KCNT2: variants seen among roughly 807,000 people sequenced by gnomAD.
KCNT2 encodes the protein potassium sodium-activated channel subfamily T member 2, also known as potassium channel subfamily T member 2.
KCNT2 carries 67 observed loss-of-function variants against 153.8 expected under a neutral mutation model. That is an observed-to-expected ratio of 0.44 (90% CI 0.36 to 0.53). The LOEUF is 0.53. KCNT2 is among the 20% of genes least tolerant of loss of function. The pLI, the probability that KCNT2 is intolerant of heterozygous loss-of-function variation, is 0.00. For missense variants in KCNT2, 975 were observed against 1,354.8 expected, an observed-to-expected ratio of 0.72 and a Z score of 4.40; for synonymous variants, 500 against 458.8, an observed-to-expected ratio of 1.09 and a Z score of -1.15.
At chr1:196,357,162 T>C (rs1667242939) in intron 14 of KCNT2, among the ~76,000 whole-genome samples, 1 of 151,966 alleles carries the variant, frequency 6.6e-6, no homozygotes, top group African/African-American at 2.4e-5. Flanking sequence ...TTATTAGCTA[T>C]AAGTCTATGA....
intron 1 of KCNT2, among the ~76,000 whole-genome samples, chr1:196,581,075 T>C (rs965120430): frequency 3.9e-5 from 6 of 152,222 alleles, no homozygotes; most frequent in Admixed American, 1.3e-4. Flanking sequence ...TTACAAAACG[T>C]ACAGTTTTTT....
chr1:196,297,810 G>A (rs894233975), intron 22 of KCNT2, among the ~76,000 whole-genome samples: 1 of 152,064 alleles, frequency 6.6e-6, no homozygotes, highest in African/African-American at 2.4e-5. Flanking sequence ...AAGTTGTCTG[G>A]ACAGAAAAAA....
At chr1:196,343,821 C>T (rs1195859894) in intron 14 of KCNT2, among the ~76,000 whole-genome samples, 1 of 151,890 alleles carries the variant, frequency 6.6e-6, no homozygotes, top group Admixed American at 6.6e-5. Context: ...GCTTTGTCGC[C>T]CAGGCTGGAC....
intron 1 of KCNT2, among the ~76,000 whole-genome samples, chr1:196,584,339 A>T (rs1326979245): frequency 1.3e-5 from 2 of 152,086 alleles, no homozygotes; most frequent in South Asian, 2.1e-4. Flanking sequence ...ATAATTTGTA[A>T]GAAGAGGGGT....
intron 1 of KCNT2, among the ~76,000 whole-genome samples, chr1:196,576,092 G>A (rs112764623): frequency 7.6e-6 from 1 of 132,366 alleles, no homozygotes; most frequent in African/African-American, 3.9e-5. Context: ...ATATATATAT[G>A]TGTGTGTGTG....
chr1:196,366,104 C>T (rs1036087156), intron 14 of KCNT2, among the ~76,000 whole-genome samples: 1 of 151,886 alleles, frequency 6.6e-6, no homozygotes, highest in African/African-American at 2.4e-5. Flanking sequence ...CTACCTTTCT[C>T]TTCCTTCACT....
At chr1:196,549,561 A>G (rs1452158448) in intron 1 of KCNT2, among the ~76,000 whole-genome samples, 3 of 151,816 alleles carry the variant, frequency 2.0e-5, no homozygotes, top group African/African-American at 4.8e-5. Context: ...AAATTCTAGT[A>G]ATATACAGAC....
rs1302327018 is a variant in KCNT2 at position 196,334,496 on chromosome 1, T to TTTTTTTTTTTTTTTTTTTA, written c.1784-437_1784-436insTAAAAAAAAAAAAAAAAAA. Among the ~76,000 whole-genome samples, 34 of 142,922 alleles carry TTTTTTTTTTTTTTTTTTTA rather than the reference T, an allele frequency of 2.4e-4. 1 individual carries two copies. Among genetic ancestry groups the TTTTTTTTTTTTTTTTTTTA allele is most frequent in the African/African-American group, 7.3e-4 (28 of 38,564 alleles). The allele number at this position is 142,922 out of a possible 152,430, so 93.8% of individuals were successfully genotyped here. A position where few individuals can be genotyped will look rare whatever the true frequency, so the allele number is the denominator to read the frequency against. On this transcript the variant is annotated intron_variant, in intron 16 of 27. Coordinates refer to ENST00000294725, the MANE Select transcript of KCNT2 (RefSeq NM_198503.5). ...ATTTCTTTCTTTCTTTCTTTTTTTT[T>TTTTTTTTTTTTTTTTTTTA]TTTAAGACAGAGTCTCGCTCCAGGC...
At chr1:196,306,024 G>A (rs905079913) in intron 21 of KCNT2, among the ~76,000 whole-genome samples, 6 of 151,928 alleles carry the variant, frequency 3.9e-5, no homozygotes, top group African/African-American at 1.4e-4. Flanking sequence ...GCTCACACAA[G>A]ATTTCTTTCC....
At chr1:196,296,960 C>G (rs1185768242) in intron 22 of KCNT2, among the ~76,000 whole-genome samples, 1 of 151,950 alleles carries the variant, frequency 6.6e-6, no homozygotes, top group Non-Finnish European at 1.5e-5. Flanking sequence ...GTTTCATGTC[C>G]TTGTCTAATG....
intron 19 of KCNT2, among the ~76,000 whole-genome samples, chr1:196,321,042 A>G (rs1663264632): frequency 6.7e-6 from 1 of 150,358 alleles, no homozygotes; most frequent in African/African-American, 2.5e-5. Flanking sequence ...AAGGGATATT[A>G]GTGGATCACA....
intron 19 of KCNT2, 34 bp from the exon 20 acceptor site, chr1:196,319,589 A>G (rs778687118): frequency 2.1e-6 from 3 of 1,399,392 alleles, no homozygotes; most frequent in Non-Finnish European, 3.0e-6. Flanking sequence ...ATGAAACACA[A>G]TGTCACAACA....
chr1:196,284,248 A>AAAAAAAAAATATATATATAT, intron 23 of KCNT2, among the ~76,000 whole-genome samples: 1 of 10,048 alleles, frequency 1.0e-4, no homozygotes, highest in African/African-American at 1.4e-4. Flanking sequence ...AAAAAAAAAA[A>AAAAAAAAAATATATATATAT]ATATATATAT....
intron 5 of KCNT2, 47 bp downstream of exon 5, chr1:196,479,132 T>C (rs962074703): frequency 8.5e-7 from 1 of 1,180,312 alleles, no homozygotes; most frequent in Non-Finnish European, 1.3e-6. Context: ...GAGTAAATAC[T>C]ACAGATGTGT....
chr1:196,399,690 T>C (rs1671248900), intron 12 of KCNT2, among the ~76,000 whole-genome samples: 3 of 151,766 alleles, frequency 2.0e-5, no homozygotes, highest in Admixed American at 6.6e-5. Context: ...AGAATGATCA[T>C]GTCCTCCCCA....
chr1:196,539,414 T>C (rs1240702388), intron 1 of KCNT2, among the ~76,000 whole-genome samples: 2 of 152,166 alleles, frequency 1.3e-5, no homozygotes, highest in Non-Finnish European at 2.9e-5. Flanking sequence ...GATGTTTGAG[T>C]ATAGATTCCC....
intron 26 of KCNT2, chr1:196,257,381 A>G: frequency 1.0e-6 from 1 of 977,256 alleles, no homozygotes; most frequent in Non-Finnish European, 1.2e-6. Flanking sequence ...AACAAGAGAA[A>G]AGGGTAAATA....
rs551905785 is a variant in KCNT2, at chr1:196,543,142, A to G, written c.96-50801T>C. Among the ~76,000 whole-genome samples the G allele has an allele frequency of 2.0e-5, 3 of 152,288 alleles. No homozygotes were observed. The South Asian group carries it at 6.2e-4, about 32-fold the overall frequency. On this transcript the variant is annotated intron_variant, in intron 1 of 27. Transcript: ENST00000294725. ...TAGTCTTGAAAGCTATTGAGCTATAATTCTTAAACAGAATTTACTAGAGTT... is the reference window on the plus strand; with the variant it reads ...TAGTCTTGAAAGCTATTGAGCTATAGTTCTTAAACAGAATTTACTAGAGTT...
chr1:196,411,798 G>A (rs1672360830), intron 12 of KCNT2, among the ~76,000 whole-genome samples: 2 of 151,772 alleles, frequency 1.3e-5, no homozygotes, highest in Admixed American at 1.3e-4. Context: ...CCACAGGGGT[G>A]GGGGATATAT....
Sources: gnomAD v4.1 joint callset for allele counts (sites outside exome capture counted in the v4.1 genomes callset) on GRCh38, gnomAD v4.1.1 for gene constraint, MANE v1.5 for transcripts, NCBI Gene and HGNC (gene_info 2026-07-23, HGNC 2026-07-21) for gene names.